CACNG4: variants seen among roughly 807,000 people sequenced by gnomAD.
CACNG4 encodes calcium voltage-gated channel auxiliary subunit gamma 4.
In CACNG4, 8 loss-of-function variants were observed where a neutral mutation model predicts 22.9. That is an observed-to-expected ratio of 0.35 (90% CI 0.21 to 0.63). The LOEUF is 0.63. Among genes scored for constraint, CACNG4 ranks in the 30% least tolerant of loss-of-function variants. The probability of loss-of-function intolerance (pLI) is 0.72; values close to 1 mark genes in which losing one functional copy is unlikely to be tolerated. For missense variants in CACNG4, 357 were observed against 455.4 expected (o/e 0.78, Z 1.97); for synonymous variants, 188 against 191.9 (o/e 0.98, Z 0.17).
chr17:66,976,349 G>A (rs963670422), intron 1 of CACNG4, among the ~76,000 whole-genome samples: 1 of 138,978 alleles, frequency 7.2e-6, no homozygotes, highest in Non-Finnish European at 1.6e-5. Flanking sequence ...CTTTCCTCCT[G>A]TCGTCCTCCC....
At position 67,017,383 on chromosome 17, in the gene CACNG4, A is replaced by G. The variant is rs146647705; in HGVS notation, c.221-806A>G. Among the ~76,000 whole-genome samples the G allele has an allele frequency of 2.0e-3, 310 of 151,602 alleles. 3 individuals are homozygous for G. The highest frequency in any genetic ancestry group is 3.7e-4 in the Non-Finnish European group (25 of 67,884). Reference sequence around the variant, plus strand: ...TGAGCCACTGCATCCGGCCATAACTATGGTTTAAGAGAGGGAAAGACACAG... The same window carrying G: ...TGAGCCACTGCATCCGGCCATAACTGTGGTTTAAGAGAGGGAAAGACACAG... On this transcript the variant is annotated intron_variant, in intron 1 of 3. Transcript: ENST00000262138.
chr17:66,998,911 G>A (rs2035390931), intron 1 of CACNG4, among the ~76,000 whole-genome samples: 1 of 152,250 alleles, frequency 6.6e-6, no homozygotes, highest in Non-Finnish European at 1.5e-5. Flanking sequence ...TGGTCCGGGA[G>A]CTCAAAGAAC....
chr17:67,001,084 C>T (rs183388607), intron 1 of CACNG4, among the ~76,000 whole-genome samples: 3 of 152,030 alleles, frequency 2.0e-5, no homozygotes, highest in South Asian at 2.1e-4. Context: ...GTTCTGGTCT[C>T]GTGGTAGTGA....
chr17:66,973,597 G>A (rs1025559581), intron 1 of CACNG4, among the ~76,000 whole-genome samples: 4 of 152,220 alleles, frequency 2.6e-5, no homozygotes, highest in Non-Finnish European at 5.9e-5. Context: ...CCACCGTAGC[G>A]TGCGGCAGCA....
chr17:67,015,251 G>T (rs572111604), intron 1 of CACNG4, among the ~76,000 whole-genome samples: 43 of 152,328 alleles, frequency 2.8e-4, no homozygotes, highest in African/African-American at 1.0e-3. Context: ...AGGGGGTTAG[G>T]CTGAGTGAGA....
At chr17:67,014,411 G>C (rs1253804818) in intron 1 of CACNG4, among the ~76,000 whole-genome samples, 2 of 152,140 alleles carry the variant, frequency 1.3e-5, no homozygotes, top group East Asian at 3.9e-4. Context: ...ATTCGGGGGA[G>C]GTGAGGCAAC....
intron 1 of CACNG4, among the ~76,000 whole-genome samples, chr17:67,000,611 G>C (rs552480985): frequency 6.6e-6 from 1 of 152,284 alleles, no homozygotes; most frequent in Non-Finnish European, 1.5e-5. Context: ...AGGAGGGAGA[G>C]ACACAGGAGG....
intron 2 of CACNG4, among the ~76,000 whole-genome samples, chr17:67,024,609 G>T (rs957140202): frequency 1.3e-5 from 2 of 152,224 alleles, no homozygotes; most frequent in East Asian, 3.9e-4. Context: ...CCCAGGGAGA[G>T]ACTAAACAAG....
chr17:67,004,047 G>A (rs2035423177), intron 1 of CACNG4, among the ~76,000 whole-genome samples: 2 of 152,164 alleles, frequency 1.3e-5, no homozygotes, highest in African/African-American at 2.4e-5. Flanking sequence ...ATCTGCAGAG[G>A]CAAACCAACG....
At position 67,000,024 on chromosome 17, in the gene CACNG4, G is replaced by C. The variant is rs1219126466; in HGVS notation, c.221-18165G>C. On this transcript the variant is annotated intron_variant, in intron 1 of 3. Transcript: ENST00000262138. ...CACCCAGAGCATTTAGATGAAATTA[G>C]TGGTGTCCAAATCTCGATTGCCCTC... Among the ~76,000 whole-genome samples the C allele has an allele frequency of 4.6e-5, 7 of 152,190 alleles. No homozygotes were observed. The East Asian group carries it at 1.4e-3, about 29-fold the overall frequency.
At chr17:67,008,115 C>G (rs1043786895) in intron 1 of CACNG4, among the ~76,000 whole-genome samples, 14 of 152,332 alleles carry the variant, frequency 9.2e-5, no homozygotes, top group East Asian at 1.9e-4. Flanking sequence ...CAGCACCTCA[C>G]ACACAGCAGG....
rs575443103 is a variant in CACNG4 at position 66,972,382 on chromosome 17, C to T, written c.220+7251C>T. Among the ~76,000 whole-genome samples, 40 of 152,246 alleles carry T rather than the reference C, an allele frequency of 2.6e-4. 1 individual carries two copies. Among genetic ancestry groups the T allele is most frequent in the African/African-American group, 6.7e-4 (28 of 41,552 alleles). On this transcript the variant is annotated intron_variant, in intron 1 of 3. Transcript: ENST00000262138. ...CCGGATCCTCTGTCACAGGAGCTGTCCTCTGTGCTGTAGGTGTTTAGCAGC... is the reference window on the plus strand; with the variant it reads ...CCGGATCCTCTGTCACAGGAGCTGTTCTCTGTGCTGTAGGTGTTTAGCAGC...
chr17:66,993,794 C>T (rs1285565947), intron 1 of CACNG4, among the ~76,000 whole-genome samples: 10 of 152,002 alleles, frequency 6.6e-5, no homozygotes, highest in African/African-American at 1.2e-4. Flanking sequence ...TCAGTAAAGA[C>T]GGCGTTTCAC....
intron 1 of CACNG4, among the ~76,000 whole-genome samples, chr17:66,965,703 C>G (rs1328175251): frequency 2.6e-5 from 2 of 76,568 alleles, no homozygotes; most frequent in Non-Finnish European, 5.3e-5. Flanking sequence ...GGGGTGGGGG[C>G]AGAAGTAGGG....
intron 1 of CACNG4, among the ~76,000 whole-genome samples, chr17:67,001,381 CT>C (rs1454234778): frequency 1.3e-5 from 2 of 152,164 alleles, no homozygotes; most frequent in African/African-American, 2.4e-5. Context: ...TCCCCTCCCC[CT>C]GGTTCTCTAA....
chr17:66,967,634 C>G (rs1397893854), intron 1 of CACNG4, among the ~76,000 whole-genome samples: 1 of 152,118 alleles, frequency 6.6e-6, no homozygotes, highest in Admixed American at 6.6e-5. Context: ...CACCTGTTCT[C>G]TAGAAAAGTA....
At chr17:67,010,222 C>G (rs777346341) in intron 1 of CACNG4, among the ~76,000 whole-genome samples, 3 of 152,186 alleles carry the variant, frequency 2.0e-5, no homozygotes, top group Non-Finnish European at 4.4e-5. Context: ...TGGTGTGGGG[C>G]CCTGGGTTGC....
intron 1 of CACNG4, among the ~76,000 whole-genome samples, chr17:66,971,624 G>A (rs2143273136): frequency 6.6e-6 from 1 of 152,292 alleles, no homozygotes; most frequent in South Asian, 2.1e-4. Context: ...GGGGGCCGCT[G>A]TTGGCTGGTC....
At chr17:66,988,780 AG>A (rs1309624446) in intron 1 of CACNG4, among the ~76,000 whole-genome samples, 2 of 152,120 alleles carry the variant, frequency 1.3e-5, no homozygotes, top group Non-Finnish European at 1.5e-5. Flanking sequence ...CAAAGGAGGC[AG>A]GGCGCGGTGG....
Sources: gnomAD v4.1 joint callset for allele counts (sites outside exome capture counted in the v4.1 genomes callset) on GRCh38, gnomAD v4.1.1 for gene constraint, MANE v1.5 for transcripts, NCBI Gene and HGNC (gene_info 2026-07-23, HGNC 2026-07-21) for gene names.